Variants in SHOC1 observed in about 807,000 individuals in gnomAD.
SHOC1 encodes shortage in chiasmata 1.
In SHOC1, 136 loss-of-function variants were observed where a neutral mutation model predicts 179.2. The ratio of observed to expected loss-of-function variants is 0.76; its 90% confidence interval spans 0.66 to 0.87. The LOEUF (loss-of-function observed/expected upper bound fraction) is 0.87, where lower values mean the gene tolerates loss of function less well. Ranked by LOEUF, SHOC1 falls within the 40% of genes least tolerant of loss-of-function variation. The pLI is 0.00. For synonymous variants in SHOC1, 489 were observed against 586.6 expected, an observed-to-expected ratio of 0.83 and a Z score of 2.41; for missense variants, 1,538 against 1,700.8, an observed-to-expected ratio of 0.90 and a Z score of 1.68.
chr9:111,700,407 T>C (rs1330796798), intron 23 of SHOC1, among the ~76,000 whole-genome samples: 1 of 152,136 alleles, frequency 6.6e-6, no homozygotes, highest in African/African-American at 2.4e-5. Context: ...CATGGACACA[T>C]GACCAGAACC....
At chr9:111,768,235 T>C (rs571929114) in intron 5 of SHOC1, among the ~76,000 whole-genome samples, 44 of 151,946 alleles carry the variant, frequency 2.9e-4, no homozygotes, top group African/African-American at 9.9e-4. Context: ...TAAATTTTTT[T>C]TTTTTTTTGA....
At chr9:111,762,798 C>G (rs1191278264) in intron 5 of SHOC1, among the ~76,000 whole-genome samples, 1 of 151,942 alleles carries the variant, frequency 6.6e-6, no homozygotes, top group African/African-American at 2.4e-5. Flanking sequence ...TCTTTACCAT[C>G]AGAAATAAGA....
Position 111,713,096 on chromosome 9 carries a change from C to T in SHOC1, c.2488+4G>A. 6.5e-7 allele frequency: 1 copy of T among 1,537,770 alleles called. No homozygotes were observed. The highest frequency in any genetic ancestry group is 8.9e-7 in the Non-Finnish European group (1 of 1,118,026). Reference sequence around the variant, plus strand: ...CAAATGAAGCATAATTTAAAACTGCCTACCTTCTATTTTGTTAAGAATTTT... The same window carrying T: ...CAAATGAAGCATAATTTAAAACTGCTTACCTTCTATTTTGTTAAGAATTTT... On this transcript the variant is annotated splice_donor_region_variant and intron_variant, in intron 18 of 27. Coordinates refer to ENST00000682961, the MANE Select transcript of SHOC1 (RefSeq NM_001378211.1).
Position 111,785,993 on chromosome 9 carries a change from G to A in SHOC1, c.88C>T (p.Arg30Ter), listed in dbSNP as rs894822597. The A allele has an allele frequency of 1.2e-5, 19 of 1,522,292 alleles. No homozygotes were observed. Among genetic ancestry groups the A allele is most frequent in the African/African-American group, 2.8e-5 (2 of 71,444 alleles). 94.3% of individuals were successfully genotyped at this position (1,522,292 alleles called of 1,614,324 possible). Residue 30 changes from arginine to a stop codon, truncating the protein, a stop_gained, in exon 3 of 28, where the codon CGA becomes TGA. Coordinates refer to ENST00000682961, the MANE Select transcript of SHOC1 (RefSeq NM_001378211.1). LOFTEE classifies it high-confidence loss of function. Reference protein sequence around the residue: ...KKFYRDALLLRIPSCLYQDES... With the variant: ...KKFYRDALLL ...TCTTGATATAAACATGAAGGGATTCGAAGCAATAAAGCATCTCTGTAAAAC... is the reference window on the plus strand; with the variant it reads ...TCTTGATATAAACATGAAGGGATTCAAAGCAATAAAGCATCTCTGTAAAAC...
In SHOC1 at chr9:111,723,780, C is replaced by G; in HGVS notation, c.1954+12G>C. ...GCAAATCTGAAATGCATTTTAAAAGCATATAACATACCTGACGCTTGAATT... is the reference window on the plus strand; with the variant it reads ...GCAAATCTGAAATGCATTTTAAAAGGATATAACATACCTGACGCTTGAATT... On this transcript the variant is annotated intron_variant, in intron 14 of 27. Coordinates refer to ENST00000682961, the MANE Select transcript of SHOC1 (RefSeq NM_001378211.1). 1 of 1,609,374 alleles carries G rather than the reference C, an allele frequency of 6.2e-7. No individual in the cohort carries two copies. Among genetic ancestry groups the G allele is most frequent in the Non-Finnish European group, 8.5e-7 (1 of 1,179,044 alleles).
intron 10 of SHOC1, among the ~76,000 whole-genome samples, chr9:111,743,658 A>G (rs1168855051): frequency 1.3e-5 from 2 of 152,204 alleles, no homozygotes; most frequent in African/African-American, 4.8e-5. Flanking sequence ...TTACTATTTT[A>G]CTATAGTTAT....
intron 5 of SHOC1, among the ~76,000 whole-genome samples, chr9:111,764,533 A>G (rs993724715): frequency 6.6e-6 from 1 of 152,224 alleles, no homozygotes; most frequent in African/African-American, 2.4e-5. Flanking sequence ...ATAATTCTGT[A>G]AATACAGAAT....
intron 16 of SHOC1, among the ~76,000 whole-genome samples, chr9:111,716,122 T>A (rs1341844722): frequency 6.6e-6 from 1 of 152,154 alleles, no homozygotes; most frequent in Non-Finnish European, 1.5e-5. Flanking sequence ...AACTACATTA[T>A]TCGTATGGCT....
chr9:111,775,775 A>G lies in SHOC1; in HGVS notation c.442+16T>C, dbSNP rs762214232. 25 of 1,585,384 alleles carry G rather than the reference A, an allele frequency of 1.6e-5. No homozygotes were observed. The East Asian group carries it at 5.6e-4, about 36-fold the overall frequency. On this transcript the variant is annotated intron_variant, in intron 5 of 27. Transcript: ENST00000682961. ...AGTAAGAAATGTTTTACAACAATAT[A>G]AAATAAACGTTTTACCTTGGTTCTG...
At chr9:111,748,453 T>A (rs1385287709) in intron 8 of SHOC1, among the ~76,000 whole-genome samples, 2 of 152,060 alleles carry the variant, frequency 1.3e-5, no homozygotes, top group African/African-American at 4.8e-5. Flanking sequence ...AATGGCAAAA[T>A]CTACATAATC....
At chr9:111,762,150 T>C (rs1039128392) in intron 5 of SHOC1, among the ~76,000 whole-genome samples, 5 of 149,908 alleles carry the variant, frequency 3.3e-5, no homozygotes, top group African/African-American at 1.2e-4. Flanking sequence ...CATGCTTTTG[T>C]CTAGCACGGT....
At chr9:111,722,981 C>A (rs73543309) in intron 14 of SHOC1, among the ~76,000 whole-genome samples, 1,749 of 152,144 alleles carry the variant, frequency 0.011, 28 homozygotes, top group African/African-American at 0.04. Flanking sequence ...TTTGTTTCAT[C>A]ATCTTGTCCA....
intron 10 of SHOC1, among the ~76,000 whole-genome samples, chr9:111,741,779 CT>C (rs1834054410): frequency 6.6e-6 from 1 of 151,972 alleles, no homozygotes; most frequent in African/African-American, 2.4e-5. Flanking sequence ...TTACAGGCGT[CT>C]GCCACCATGC....
At chr9:111,723,602 A>G (rs956477510) in intron 14 of SHOC1, among the ~76,000 whole-genome samples, 190 bp downstream of exon 14, 12 of 152,108 alleles carry the variant, frequency 7.9e-5, no homozygotes, top group African/African-American at 2.9e-4. Flanking sequence ...TGGGTAGGGC[A>G]ATGGGGAGAG....
rs35764341 is a variant in SHOC1, at chr9:111,788,064, C to CTTTT, written c.46-2033_46-2030dup. On this transcript the variant is annotated intron_variant, in intron 2 of 27. Transcript: ENST00000682961. ...GGACTATAGTATAGCATAAACATAA[C>CTTTT]TTTTTTTTTTTTTTTTTTTGAGACA... Among the ~76,000 whole-genome samples the CTTTT allele has an allele frequency of 5.2e-4, 64 of 122,718 alleles. 1 individual carries two copies. Among genetic ancestry groups the CTTTT allele is most frequent in the East Asian group, 2.1e-3 (9 of 4,202 alleles). 80.5% of individuals were successfully genotyped at this position (122,718 alleles called of 152,430 possible).
intron 3 of SHOC1, among the ~76,000 whole-genome samples, chr9:111,781,775 C>G (rs999099917): frequency 1.8e-5 from 2 of 111,432 alleles, no homozygotes; most frequent in Admixed American, 1.7e-4. Context: ...CATAGCTTAT[C>G]TCCCAAATTA....
intron 5 of SHOC1, chr9:111,759,464 G>T: frequency 7.9e-7 from 1 of 1,262,456 alleles, no homozygotes; most frequent in Non-Finnish European, 1.0e-6. Flanking sequence ...GTTAATTTCT[G>T]GAATAAATTT....
intron 8 of SHOC1, 36 bp from the exon 9 acceptor site, chr9:111,748,235 C>T: frequency 7.1e-7 from 1 of 1,408,976 alleles, no homozygotes; most frequent in Admixed American, 1.7e-5. Context: ...AGCAAATGTA[C>T]CATTAAATTA....
chr9:111,739,326 CTA>C (rs2131489570), intron 11 of SHOC1, among the ~76,000 whole-genome samples: 1 of 152,106 alleles, frequency 6.6e-6, no homozygotes, highest in East Asian at 1.9e-4. Flanking sequence ...ATGCAATAAA[CTA>C]CACATATTTA....
Sources: allele counts gnomAD v4.1 joint callset (sites outside exome capture counted in the v4.1 genomes callset), GRCh38; gene constraint gnomAD v4.1.1; transcripts MANE v1.5; gene names NCBI Gene and HGNC (gene_info 2026-07-23, HGNC 2026-07-21).